PIBF1: variants seen among roughly 807,000 people sequenced by gnomAD.
PIBF1 encodes the protein progesterone-induced-blocking factor 1.
In PIBF1, 90 loss-of-function variants were observed where a neutral mutation model predicts 112.5. The observed-to-expected ratio is 0.80, with a 90% CI of 0.67 to 0.95. PIBF1 has a LOEUF of 0.95. Ranked by LOEUF, PIBF1 falls within the 40% of genes least tolerant of loss-of-function variation. The probability of loss-of-function intolerance (pLI) is 0.00; values close to 1 mark genes in which losing one functional copy is unlikely to be tolerated. For synonymous variants in PIBF1, 301 were observed against 288.6 expected (o/e 1.04, Z -0.44); for missense variants, 915 against 852.3 (o/e 1.07, Z -0.92).
At chr13:72,827,216 G>T in intron 7 of PIBF1, 98 bp downstream of exon 7, 15 of 334,844 alleles carry the variant, frequency 4.5e-5, no homozygotes, top group South Asian at 1.8e-4. Context: ...TTTTTGTTAT[G>T]TAGTTCCTCC....
chr13:72,831,526 A>G (rs996950385), intron 8 of PIBF1, among the ~76,000 whole-genome samples: 1 of 152,210 alleles, frequency 6.6e-6, no homozygotes, highest in Admixed American at 6.5e-5. Flanking sequence ...TTGTTTACCC[A>G]GTAGTCATTC....
At chr13:72,941,968 G>C (rs1263264245) in intron 14 of PIBF1, among the ~76,000 whole-genome samples, 1 of 152,132 alleles carries the variant, frequency 6.6e-6, no homozygotes, top group East Asian at 1.9e-4. Context: ...ACTAGTCATG[G>C]ATTAGCAATA....
chr13:72,842,315 C>T (rs937895133), intron 9 of PIBF1, among the ~76,000 whole-genome samples: 3 of 152,126 alleles, frequency 2.0e-5, no homozygotes, highest in Non-Finnish European at 2.9e-5. Context: ...TCATGATGCT[C>T]TTGATGCAGT....
intron 10 of PIBF1, among the ~76,000 whole-genome samples, chr13:72,867,935 C>T (rs909960382): frequency 1.6e-4 from 24 of 152,314 alleles, no homozygotes; most frequent in African/African-American, 5.5e-4. Context: ...AGATTCTCTG[C>T]ATGTAATGAT....
At chr13:72,809,606 T>TTTTC (rs2035907344) in intron 5 of PIBF1, among the ~76,000 whole-genome samples, 2 of 147,764 alleles carry the variant, frequency 1.4e-5, no homozygotes, top group South Asian at 4.3e-4. Flanking sequence ...TTTTTTTTTT[T>TTTTC]TTGGAGATGG....
intron 5 of PIBF1, among the ~76,000 whole-genome samples, chr13:72,821,412 A>G (rs901351855): frequency 1.1e-4 from 16 of 152,088 alleles, no homozygotes; most frequent in Non-Finnish European, 1.3e-4. Context: ...TAATCTCTTC[A>G]TTAATTATTT....
At chr13:72,865,075 T>A (rs1431728111) in intron 10 of PIBF1, among the ~76,000 whole-genome samples, 2 of 152,204 alleles carry the variant, frequency 1.3e-5, no homozygotes, top group Admixed American at 6.5e-5. Context: ...TTACCATTTT[T>A]AAATTTTGTT....
At chr13:72,847,869 G>C (rs1001900732) in intron 9 of PIBF1, among the ~76,000 whole-genome samples, 4 of 152,234 alleles carry the variant, frequency 2.6e-5, no homozygotes, top group Non-Finnish European at 5.9e-5. Context: ...AAAGGCATCA[G>C]ATATGGAAAT....
chr13:72,956,150 TTATTGAATATCAAC>T (rs2042439600), intron 14 of PIBF1, among the ~76,000 whole-genome samples: 1 of 152,170 alleles, frequency 6.6e-6, no homozygotes, highest in African/African-American at 2.4e-5. Context: ...TGAATTCATG[TTATTGAATATCAAC>T]TAGGCCCTTA....
chr13:72,836,361 C>T (rs562779956), intron 9 of PIBF1, among the ~76,000 whole-genome samples: 2 of 152,172 alleles, frequency 1.3e-5, no homozygotes, highest in Admixed American at 6.5e-5. Flanking sequence ...TGATTGTTGT[C>T]AGCAAGGCTT....
At chr13:73,013,760 G>GA (rs150831170) in intron 17 of PIBF1, among the ~76,000 whole-genome samples, 2,789 of 115,286 alleles carry the variant, frequency 0.024, 97 homozygotes, top group African/African-American at 0.07. Flanking sequence ...AAAAGAAAAA[G>GA]AAAAAATCCT....
intron 11 of PIBF1, among the ~76,000 whole-genome samples, chr13:72,907,321 G>A (rs2040735338): frequency 6.6e-6 from 1 of 152,010 alleles, no homozygotes; most frequent in African/African-American, 2.4e-5. Context: ...CCACATCACA[G>A]AAAACATATA....
At chr13:72,927,960 C>CATATATAT (rs1566457766) in intron 13 of PIBF1, among the ~76,000 whole-genome samples, 10 of 112,268 alleles carry the variant, frequency 8.9e-5, no homozygotes, top group African/African-American at 3.5e-4. Context: ...TATATATATA[C>CATATATAT]ACATATATAT....
intron 5 of PIBF1, among the ~76,000 whole-genome samples, chr13:72,818,084 T>C (rs1460418187): frequency 3.9e-5 from 6 of 152,012 alleles, no homozygotes; most frequent in South Asian, 2.1e-4. Context: ...ATATACACTA[T>C]GTATATAACA....
intron 9 of PIBF1, among the ~76,000 whole-genome samples, chr13:72,849,880 GGT>G (rs2038051875): frequency 6.6e-6 from 1 of 152,142 alleles, no homozygotes; most frequent in African/African-American, 2.4e-5. Context: ...GTAAAATGGA[GGT>G]AATGATACAA....
At chr13:72,953,304 C>T (rs2042352453) in intron 14 of PIBF1, among the ~76,000 whole-genome samples, 1 of 152,196 alleles carries the variant, frequency 6.6e-6, no homozygotes, top group Admixed American at 6.5e-5. Flanking sequence ...GTGGAAAGTT[C>T]AGGGACTCAA....
chr13:72,857,925 A>G (rs755803149), intron 10 of PIBF1, among the ~76,000 whole-genome samples: 20 of 152,192 alleles, frequency 1.3e-4, no homozygotes, highest in Non-Finnish European at 2.1e-4. Flanking sequence ...TTGCGTGGGT[A>G]TGGAAAAACA....
chr13:73,015,245 A>G (rs973997135), intron 17 of PIBF1, among the ~76,000 whole-genome samples: 1 of 145,870 alleles, frequency 6.9e-6, no homozygotes, highest in Admixed American at 6.9e-5. Flanking sequence ...TCCCACCTCA[A>G]CCTCCCAAAG....
intron 8 of PIBF1, among the ~76,000 whole-genome samples, chr13:72,828,811 G>T (rs968164810): frequency 2.6e-5 from 4 of 152,192 alleles, no homozygotes; most frequent in African/African-American, 9.6e-5. Context: ...TAATGGGATT[G>T]CTGGGTCAAA....
Sources: allele counts gnomAD v4.1 joint callset (sites outside exome capture counted in the v4.1 genomes callset), GRCh38; gene constraint gnomAD v4.1.1; transcripts MANE v1.5; gene names NCBI Gene and HGNC (gene_info 2026-07-23, HGNC 2026-07-21).